TENM3: variants seen among roughly 807,000 people sequenced by gnomAD.
TENM3 encodes the protein teneurin transmembrane protein 3, also known as teneurin-3.
In TENM3, 63 loss-of-function variants were observed where a neutral mutation model predicts 255.1. That is an observed-to-expected ratio of 0.25 (90% CI 0.20 to 0.30). TENM3 has a LOEUF of 0.30. Ranked by LOEUF, TENM3 falls within the 10% of genes least tolerant of loss-of-function variation. TENM3 has a pLI of 1.00. For missense variants in TENM3, 2,929 were observed against 3,461.1 expected (o/e 0.85, Z 3.86); for synonymous variants, 1,306 against 1,322.3 (o/e 0.99, Z 0.27).
intron 3 of TENM3, among the ~76,000 whole-genome samples, chr4:182,394,749 CA>C (rs796658533): frequency 9.9e-5 from 15 of 152,154 alleles, no homozygotes; most frequent in African/African-American, 3.1e-4. Flanking sequence ...TAAATTGAAC[CA>C]GAATATTCTT....
At chr4:181,734,767 C>A in the TENM3 span, among the ~76,000 whole-genome samples, 3 of 152,130 alleles carry the variant, frequency 2.0e-5, no homozygotes, top group Non-Finnish European at 4.4e-5. Context: ...CTTAGCTGTA[C>A]CTTAACTCTT....
At chr4:181,709,937 TGAA>T in the TENM3 span, among the ~76,000 whole-genome samples, 2 of 152,160 alleles carry the variant, frequency 1.3e-5, no homozygotes, top group Non-Finnish European at 2.9e-5. Context: ...CTAGAGAGAC[TGAA>T]GAAGAAGTGT....
At chr4:182,192,709 G>A (rs1344004992) in intron 1 of TENM3, among the ~76,000 whole-genome samples, 1 of 152,194 alleles carries the variant, frequency 6.6e-6, no homozygotes, top group Non-Finnish European at 1.5e-5. Context: ...TTAATGGAAT[G>A]TTTTCTCCTT....
chr4:181,975,921 G>C, the TENM3 span: 2 of 152,124 alleles, frequency 1.3e-5, no homozygotes, highest in Non-Finnish European at 2.9e-5. Context: ...GAAAATCAAG[G>C]TGTCAGCAAG....
chr4:181,977,693 A>C, the TENM3 span, among the ~76,000 whole-genome samples: 1,019 of 152,270 alleles, frequency 6.7e-3, 9 homozygotes, highest in African/African-American at 0.024. Context: ...TCTTCTTCAC[A>C]AAATCAGGGC....
upstream of TENM3, among the ~76,000 whole-genome samples, chr4:182,241,189 T>C (rs1757231555): frequency 6.6e-6 from 1 of 152,192 alleles, no homozygotes; most frequent in African/African-American, 2.4e-5. Flanking sequence ...TACCATTGGC[T>C]TCCCAGAGCT....
the TENM3 span, among the ~76,000 whole-genome samples, chr4:182,135,104 G>T: frequency 3.3e-5 from 5 of 150,786 alleles, no homozygotes; most frequent in Admixed American, 6.6e-5. Context: ...TACTAGGAAG[G>T]CTGAGGGAGG....
chr4:182,066,906 A>G, the TENM3 span, among the ~76,000 whole-genome samples: 115 of 152,230 alleles, frequency 7.6e-4, no homozygotes, highest in African/African-American at 1.4e-3. Context: ...GCGAGACTCC[A>G]TCTCAAATAT....
At chr4:182,502,361 T>A (rs1380621609) in intron 3 of TENM3, among the ~76,000 whole-genome samples, 4 of 152,148 alleles carry the variant, frequency 2.6e-5, no homozygotes, top group Non-Finnish European at 5.9e-5. Flanking sequence ...CACCCTCTGT[T>A]ATGGTAAATT....
intron 3 of TENM3, among the ~76,000 whole-genome samples, chr4:182,387,837 T>C (rs980705237): frequency 4.0e-5 from 6 of 150,942 alleles, no homozygotes; most frequent in Non-Finnish European, 1.5e-5. Context: ...GCTGTAACAC[T>C]CACTGTGAGG....
intron 6 of TENM3, among the ~76,000 whole-genome samples, chr4:182,661,544 T>C (rs1287429002): frequency 6.6e-6 from 1 of 152,202 alleles, no homozygotes; most frequent in African/African-American, 2.4e-5. Context: ...AGATGCTATA[T>C]TGATTTTGTC....
intron 19 of TENM3, among the ~76,000 whole-genome samples, chr4:182,751,374 T>C (rs1762361377): frequency 6.6e-6 from 1 of 152,222 alleles, no homozygotes; most frequent in Non-Finnish European, 1.5e-5. Flanking sequence ...GAATCAGTAG[T>C]ATATTGTACT....
chr4:181,839,470 A>C, the TENM3 span, among the ~76,000 whole-genome samples: 1 of 146,864 alleles, frequency 6.8e-6, no homozygotes, highest in South Asian at 2.1e-4. Flanking sequence ...CTATATATAT[A>C]TACAAAATAC....
At chr4:181,641,821 T>C in the TENM3 span, among the ~76,000 whole-genome samples, 1 of 118,002 alleles carries the variant, frequency 8.5e-6, no homozygotes, top group Non-Finnish European at 1.7e-5. Context: ...TATATATATA[T>C]ATATATATAT....
the TENM3 span, among the ~76,000 whole-genome samples, chr4:181,670,876 AAAC>A: frequency 5.3e-5 from 8 of 152,240 alleles, no homozygotes; most frequent in Admixed American, 2.0e-4. Context: ...AAAAAAATCT[AAAC>A]AGCAGAAAAA....
the TENM3 span, among the ~76,000 whole-genome samples, chr4:182,059,401 A>G: frequency 1.3e-5 from 2 of 152,138 alleles, no homozygotes; most frequent in African/African-American, 4.8e-5. Flanking sequence ...GCACTTTCAA[A>G]GTGCATCACA....
the TENM3 span, among the ~76,000 whole-genome samples, chr4:181,779,186 T>C: frequency 1.3e-5 from 2 of 152,142 alleles, no homozygotes; most frequent in South Asian, 2.1e-4. Flanking sequence ...CTAGCCATGA[T>C]GTCCTTTAGT....
chr4:182,668,135 A>G (rs1399090801), intron 6 of TENM3, among the ~76,000 whole-genome samples: 3 of 152,126 alleles, frequency 2.0e-5, no homozygotes, highest in Non-Finnish European at 4.4e-5. Context: ...TAATGGAACT[A>G]TGTTAAGCAG....
Position 182,684,152 on chromosome 4 carries a change from GAGAA to G in TENM3, c.2035+2142_2035+2145del, listed in dbSNP as rs569367379. Among the ~76,000 whole-genome samples the G allele has an allele frequency of 5.9e-5, 9 of 151,498 alleles. No individual in the cohort carries two copies. In the South Asian group the frequency reaches 1.7e-3, roughly 28 times the overall value. ...AGTTCATCAAAAGAAGAGGAAAAAT[GAGAA>G]AGAGAAGCAGGGAAGAGAGAAGTGG... On this transcript the variant is annotated intron_variant, in intron 11 of 27. Transcript: ENST00000511685.
Sources: gnomAD v4.1 joint callset for allele counts (sites outside exome capture counted in the v4.1 genomes callset) on GRCh38, gnomAD v4.1.1 for gene constraint, MANE v1.5 for transcripts, NCBI Gene and HGNC (gene_info 2026-07-23, HGNC 2026-07-21) for gene names.